SGCZ: variants seen among roughly 807,000 people sequenced by gnomAD.
SGCZ encodes sarcoglycan zeta, also known as zeta-sarcoglycan.
A neutral mutation model predicts 41.3 loss-of-function variants in SGCZ; 40 were observed. The observed-to-expected ratio is 0.97, with a 90% confidence interval of 0.75 to 1.26. SGCZ has a LOEUF of 1.26. SGCZ is among the 50% of genes most tolerant of loss of function. The pLI is 0.00. For synonymous variants in SGCZ, 206 were observed against 137.5 expected (o/e 1.50, Z -3.49); for missense variants, 552 against 369.8 (o/e 1.49, Z -4.04).
At chr8:14,512,934 G>C (rs1802508399) in intron 2 of SGCZ, among the ~76,000 whole-genome samples, 1 of 152,102 alleles carries the variant, frequency 6.6e-6, no homozygotes, top group Admixed American at 6.6e-5. Flanking sequence ...TTCTGTAAGT[G>C]AGGAATGAAG....
intron 2 of SGCZ, among the ~76,000 whole-genome samples, chr8:14,543,582 A>C (rs1243896917): frequency 2.0e-5 from 3 of 152,138 alleles, no homozygotes; most frequent in Non-Finnish European, 4.4e-5. Flanking sequence ...GTAATCACTT[A>C]AGATAAATTT....
intron 2 of SGCZ, among the ~76,000 whole-genome samples, chr8:14,381,701 TC>T (rs1268525088): frequency 6.6e-6 from 1 of 151,562 alleles, no homozygotes; most frequent in African/African-American, 2.4e-5. Flanking sequence ...TGAAAGGGTC[TC>T]TTGAGCCCAG....
At chr8:14,173,681 A>T (rs560778651) in intron 4 of SGCZ, among the ~76,000 whole-genome samples, 13 of 152,146 alleles carry the variant, frequency 8.5e-5, no homozygotes, top group Non-Finnish European at 1.9e-4. Flanking sequence ...TAAACTGAAC[A>T]TTAAAAAGTA....
At chr8:14,271,658 C>T (rs1034693650) in intron 3 of SGCZ, among the ~76,000 whole-genome samples, 8 of 152,084 alleles carry the variant, frequency 5.3e-5, no homozygotes, top group African/African-American at 1.9e-4. Flanking sequence ...TCCTGGTTTT[C>T]TGCTGGAGAT....
chr8:15,014,985 CTGTAAT>C (rs1244678265), intron 1 of SGCZ, among the ~76,000 whole-genome samples: 1 of 152,230 alleles, frequency 6.6e-6, no homozygotes, highest in African/African-American at 2.4e-5. Flanking sequence ...TGACTCATGC[CTGTAAT>C]CCCACTTTGG....
At chr8:15,221,147 G>C (rs1247765328) in intron 1 of SGCZ, among the ~76,000 whole-genome samples, 5 of 152,034 alleles carry the variant, frequency 3.3e-5, no homozygotes, top group African/African-American at 9.7e-5. Context: ...TTGTACCCTA[G>C]AACTTAAAAA....
chr8:14,296,154 A>T (rs986396017), intron 3 of SGCZ, among the ~76,000 whole-genome samples: 1 of 152,156 alleles, frequency 6.6e-6, no homozygotes, highest in Non-Finnish European at 1.5e-5. Context: ...AAGACTCAAC[A>T]AGATCTATCT....
chr8:15,011,234 G>A (rs1179296219), intron 1 of SGCZ, among the ~76,000 whole-genome samples: 1 of 151,446 alleles, frequency 6.6e-6, no homozygotes, highest in Admixed American at 6.6e-5. Flanking sequence ...TTTTTAACTG[G>A]ATATTTTGGT....
rs573298095 is a variant in SGCZ, at chr8:14,464,404, G to A, written c.234+90328C>T. 3.3e-5 allele frequency among the ~76,000 whole-genome samples: 5 copies of A among 150,614 alleles called. No homozygotes were observed. The South Asian group carries it at 6.3e-4, about 19-fold the overall frequency. On this transcript the variant is annotated intron_variant, in intron 2 of 7. Transcript: ENST00000382080. ...AATTTTTAGTTCACAGTTGCATGTA[G>A]GACTCTTATAATCCTTTTTATAACT...
chr8:14,874,621 A>T (rs533495568), intron 1 of SGCZ, among the ~76,000 whole-genome samples: 1 of 152,280 alleles, frequency 6.6e-6, no homozygotes, highest in South Asian at 2.1e-4. Flanking sequence ...CAACTTCTAC[A>T]TTGCCTTTCT....
At chr8:14,732,059 C>G (rs1798873171) in intron 1 of SGCZ, among the ~76,000 whole-genome samples, 1 of 152,184 alleles carries the variant, frequency 6.6e-6, no homozygotes, top group Non-Finnish European at 1.5e-5. Flanking sequence ...TGAGCTTTCT[C>G]TTTAGAAATA....
chr8:14,973,726 G>C (rs1327693738), intron 1 of SGCZ, among the ~76,000 whole-genome samples: 1 of 152,128 alleles, frequency 6.6e-6, no homozygotes, highest in African/African-American at 2.4e-5. Context: ...AAGTTGCTGA[G>C]ACATTTGATA....
intron 4 of SGCZ, among the ~76,000 whole-genome samples, chr8:14,173,032 C>T (rs777888416): frequency 1.2e-4 from 18 of 151,940 alleles, no homozygotes; most frequent in Admixed American, 6.6e-5. Context: ...AGTTGAGGCC[C>T]CTGAGTGCCA....
At chr8:14,137,057 C>T (rs1199354572) in intron 5 of SGCZ, among the ~76,000 whole-genome samples, 1 of 152,222 alleles carries the variant, frequency 6.6e-6, no homozygotes, top group Non-Finnish European at 1.5e-5. Flanking sequence ...CTCCACTAAA[C>T]TCCAACAGAC....
At chr8:15,107,185 TATC>T (rs1323658703) in intron 1 of SGCZ, among the ~76,000 whole-genome samples, 1 of 152,196 alleles carries the variant, frequency 6.6e-6, no homozygotes, top group Non-Finnish European at 1.5e-5. Flanking sequence ...AAAGTTTTGT[TATC>T]ATGCTCTGCT....
At chr8:14,831,200 T>C (rs1585300762) in intron 1 of SGCZ, among the ~76,000 whole-genome samples, 1 of 152,134 alleles carries the variant, frequency 6.6e-6, no homozygotes, top group African/African-American at 2.4e-5. Flanking sequence ...AGTACACAGG[T>C]CAAAGAAAGA....
chr8:14,666,741 C>A (rs1301147786), intron 1 of SGCZ, among the ~76,000 whole-genome samples: 2 of 143,836 alleles, frequency 1.4e-5, no homozygotes, highest in African/African-American at 2.6e-5. Context: ...AACATGACAA[C>A]AAAACTAGGC....
chr8:14,360,655 C>T (rs1304049505), intron 2 of SGCZ, among the ~76,000 whole-genome samples: 3 of 151,912 alleles, frequency 2.0e-5, no homozygotes, highest in Admixed American at 1.3e-4. Context: ...TATTTTTTAT[C>T]GCTAAGTAGT....
chr8:14,772,358 T>A (rs922370456), intron 1 of SGCZ, among the ~76,000 whole-genome samples: 2 of 152,138 alleles, frequency 1.3e-5, no homozygotes, highest in Non-Finnish European at 2.9e-5. Flanking sequence ...CTTTAAAAGT[T>A]TGTATGAAAT....
Sources: gnomAD v4.1 joint callset for allele counts (sites outside exome capture counted in the v4.1 genomes callset) on GRCh38, gnomAD v4.1.1 for gene constraint, MANE v1.5 for transcripts, NCBI Gene and HGNC (gene_info 2026-07-23, HGNC 2026-07-21) for gene names.